MBD5: variants seen among roughly 807,000 people sequenced by gnomAD.
The protein encoded by MBD5 is methyl-CpG-binding domain protein 5.
In MBD5, 13 loss-of-function variants were observed where a neutral mutation model predicts 117.3. The ratio of observed to expected loss-of-function variants is 0.11; its 90% confidence interval spans 0.07 to 0.18. The LOEUF is 0.18. Among genes scored for constraint, MBD5 ranks in the 10% least tolerant of loss-of-function variants. MBD5 has a pLI of 1.00. For synonymous variants in MBD5, 727 were observed against 766.4 expected (o/e 0.95, Z 0.85); for missense variants, 1,879 against 2,093.8 (o/e 0.90, Z 2.00).
At chr2:148,352,232 C>T (rs569110212) in intron 4 of MBD5, among the ~76,000 whole-genome samples, 1 of 152,156 alleles carries the variant, frequency 6.6e-6, no homozygotes, top group Non-Finnish European at 1.5e-5. Context: ...ATTACCATCA[C>T]CCCACCTCCT....
chr2:148,454,351 A>G (rs1320986872), intron 4 of MBD5, among the ~76,000 whole-genome samples: 1 of 152,152 alleles, frequency 6.6e-6, no homozygotes, highest in African/African-American at 2.4e-5. Flanking sequence ...TAATCATATG[A>G]TAGAATACAA....
At chr2:148,111,087 A>G (rs536573802) in intron 1 of MBD5, among the ~76,000 whole-genome samples, 2 of 152,288 alleles carry the variant, frequency 1.3e-5, no homozygotes, top group Admixed American at 1.3e-4. Context: ...ACATGCTCAA[A>G]AACTGAGGAG....
chr2:148,335,722 G>GAAT (rs927429644), intron 3 of MBD5, among the ~76,000 whole-genome samples: 16 of 151,570 alleles, frequency 1.1e-4, no homozygotes, highest in East Asian at 1.9e-4. Flanking sequence ...CTGTCTTAAA[G>GAAT]AATAATAATA....
intron 4 of MBD5, among the ~76,000 whole-genome samples, chr2:148,345,654 T>G (rs1490618426): frequency 6.9e-6 from 1 of 145,058 alleles, no homozygotes; most frequent in Non-Finnish European, 1.5e-5. Flanking sequence ...CGTATACATA[T>G]ACATATGTAT....
intron 3 of MBD5, among the ~76,000 whole-genome samples, chr2:148,238,572 GGTCT>G (rs1700140736): frequency 6.6e-6 from 1 of 152,078 alleles, no homozygotes; most frequent in African/African-American, 2.4e-5. Context: ...TAGTTTTCTA[GGTCT>G]GCTATAACAA....
intron 4 of MBD5, among the ~76,000 whole-genome samples, chr2:148,454,263 C>G (rs1441554241): frequency 6.6e-6 from 1 of 152,108 alleles, no homozygotes; most frequent in East Asian, 1.9e-4. Context: ...CTTCAGAGAA[C>G]AATTTGGCAA....
chr2:148,425,721 G>A (rs2105300955), intron 4 of MBD5, among the ~76,000 whole-genome samples: 1 of 152,306 alleles, frequency 6.6e-6, no homozygotes, highest in Non-Finnish European at 1.5e-5. Context: ...GGGATGCAAG[G>A]CTGGTTCAAC....
chr2:148,458,883 T>C lies in MBD5; in HGVS notation c.113+12T>C. The C allele has an allele frequency of 6.3e-7, 1 of 1,596,470 alleles. No homozygotes were observed. The highest frequency in any genetic ancestry group is 8.6e-7 in the Non-Finnish European group (1 of 1,164,280). The stretch of plus-strand genomic sequence containing the variant: ...GTGCTTTATGTCAGGTAAGTTCTTA[T>C]TATTACCTGTGGTACCTGCAAAGTT... On this transcript the variant is annotated intron_variant, in intron 5 of 13. Transcript: ENST00000642680.
chr2:148,143,689 G>A (rs2105559426), intron 1 of MBD5, among the ~76,000 whole-genome samples: 1 of 152,272 alleles, frequency 6.6e-6, no homozygotes, highest in Non-Finnish European at 1.5e-5. Flanking sequence ...ACCTATGAAT[G>A]AGACCATAAG....
Position 148,482,389 on chromosome 2 carries a change from G to A in MBD5, c.2519-721G>A, listed in dbSNP as rs185232630. ...AAAATGGTTCTGTAGCTATATATAA[G>A]CTAACATGGAATGATAATCACAATA... On this transcript the variant is annotated intron_variant, in intron 8 of 13. Transcript: ENST00000642680. Among the ~76,000 whole-genome samples the A allele has an allele frequency of 5.3e-5, 8 of 152,004 alleles. No individual in the cohort carries two copies. The East Asian group carries it at 1.4e-3, about 26-fold the overall frequency.
At chr2:148,070,183 A>G (rs1038196913) in intron 1 of MBD5, among the ~76,000 whole-genome samples, 1 of 152,142 alleles carries the variant, frequency 6.6e-6, no homozygotes, top group African/African-American at 2.4e-5. Flanking sequence ...GCTCCCACAT[A>G]TGACTGAGAG....
intron 1 of MBD5, among the ~76,000 whole-genome samples, chr2:148,072,754 GT>G (rs1355023989): frequency 6.6e-6 from 1 of 152,078 alleles, no homozygotes; most frequent in Non-Finnish European, 1.5e-5. Context: ...TAACTAAAAA[GT>G]TTTTTTCCAA....
chr2:148,231,579 TC>T (rs1350057803), intron 2 of MBD5, among the ~76,000 whole-genome samples: 1 of 152,146 alleles, frequency 6.6e-6, no homozygotes, highest in Non-Finnish European at 1.5e-5. Flanking sequence ...TGAATTGATG[TC>T]CTTGCTTGGA....
intron 3 of MBD5, among the ~76,000 whole-genome samples, chr2:148,300,101 CTGGAGTGCAGTGGCACGAT>C (rs1199646362): frequency 6.6e-6 from 1 of 152,066 alleles, no homozygotes; most frequent in African/African-American, 2.4e-5. Flanking sequence ...GTTGCCCAGG[CTGGAGTGCAGTGGCACGAT>C]CTCAGCTCAC....
At chr2:148,074,484 G>GGTTTTTTTTTTGTT (rs1695441485) in intron 1 of MBD5, among the ~76,000 whole-genome samples, 1 of 123,154 alleles carries the variant, frequency 8.1e-6, no homozygotes, top group African/African-American at 3.6e-5. Context: ...GGAATAGTTT[G>GGTTTTTTTTTTGTT]TTTTTTTTTT....
intron 4 of MBD5, among the ~76,000 whole-genome samples, chr2:148,424,177 C>CAAAAAAAAAAAAAAAAAAAAAA (rs56740583): frequency 3.7e-5 from 2 of 53,462 alleles, no homozygotes; most frequent in Non-Finnish European, 8.6e-5. Context: ...GACTCTGTCT[C>CAAAAAAAAAAAAAAAAAAAAAA]AAAAAAAAAA....
intron 4 of MBD5, among the ~76,000 whole-genome samples, chr2:148,411,210 T>C (rs566117285): frequency 1.3e-5 from 2 of 152,342 alleles, no homozygotes; most frequent in South Asian, 4.1e-4. Flanking sequence ...TATGGTGTAA[T>C]AGTATTCCAT....
intron 3 of MBD5, among the ~76,000 whole-genome samples, chr2:148,334,063 C>T (rs904032104): frequency 1.3e-5 from 2 of 151,530 alleles, no homozygotes; most frequent in Admixed American, 6.6e-5. Context: ...TTCTTTTATT[C>T]CTCTAAAGAA....
chr2:148,362,686 G>A (rs1347019901), intron 4 of MBD5, among the ~76,000 whole-genome samples: 1 of 152,186 alleles, frequency 6.6e-6, no homozygotes, highest in African/African-American at 2.4e-5. Flanking sequence ...CGTGCCTCCT[G>A]ACTGGGAGAC....
Sources: gnomAD v4.1 joint callset for allele counts (sites outside exome capture counted in the v4.1 genomes callset) on GRCh38, gnomAD v4.1.1 for gene constraint, MANE v1.5 for transcripts, NCBI Gene and HGNC (gene_info 2026-07-23, HGNC 2026-07-21) for gene names.